Variants in PTPRD observed in about 807,000 individuals in gnomAD.
PTPRD encodes the protein receptor-type tyrosine-protein phosphatase delta.
In PTPRD, 34 loss-of-function variants were observed where a neutral mutation model predicts 214.5. The observed-to-expected ratio is 0.16, with a 90% CI of 0.12 to 0.21. The LOEUF (loss-of-function observed/expected upper bound fraction) is 0.21. Among genes scored for constraint, PTPRD ranks in the 10% least tolerant of loss-of-function variants. The probability of loss-of-function intolerance (pLI) is 1.00; values close to 1 mark genes in which losing one functional copy is unlikely to be tolerated. For synonymous variants in PTPRD, 1,128 were observed against 845.7 expected (o/e 1.33, Z -5.79); for missense variants, 2,545 against 2,398.7 (o/e 1.06, Z -1.27).
intron 14 of PTPRD, among the ~76,000 whole-genome samples, chr9:8,581,761 A>G (rs1337569111): frequency 6.7e-6 from 1 of 149,600 alleles, no homozygotes; most frequent in Non-Finnish European, 1.5e-5. Flanking sequence ...TAAATAAATA[A>G]AAGAAAGGGA....
At chr9:8,589,773 T>C (rs1362831487) in intron 14 of PTPRD, among the ~76,000 whole-genome samples, 3 of 152,310 alleles carry the variant, frequency 2.0e-5, no homozygotes, top group Middle Eastern at 3.4e-3. Flanking sequence ...AATGAGAAAC[T>C]TGACACATTC....
chr9:9,984,863 G>A (rs1038038507), intron 4 of PTPRD, among the ~76,000 whole-genome samples: 5 of 152,044 alleles, frequency 3.3e-5, no homozygotes, highest in African/African-American at 9.7e-5. Context: ...CATCATCAGT[G>A]TCCTCACTCT....
intron 2 of PTPRD, among the ~76,000 whole-genome samples, chr9:10,407,370 G>A (rs1156438137): frequency 5.9e-5 from 9 of 151,418 alleles, no homozygotes; most frequent in Middle Eastern, 6.8e-3. Flanking sequence ...GAATATCCTC[G>A]TTTTCATCAT....
chr9:8,375,447 A>C (rs755500635), intron 39 of PTPRD, among the ~76,000 whole-genome samples: 1 of 152,034 alleles, frequency 6.6e-6, no homozygotes, highest in Non-Finnish European at 1.5e-5. Flanking sequence ...ATTTGTCATG[A>C]GACTTGATAT....
chr9:10,123,587 G>A (rs950506616), intron 3 of PTPRD, among the ~76,000 whole-genome samples: 1 of 152,090 alleles, frequency 6.6e-6, no homozygotes, highest in Non-Finnish European at 1.5e-5. Context: ...GACAAAAGTG[G>A]CTTGTGAAAA....
At chr9:10,546,022 AC>A (rs1450568539) in intron 2 of PTPRD, among the ~76,000 whole-genome samples, 1 of 151,960 alleles carries the variant, frequency 6.6e-6, no homozygotes, top group Non-Finnish European at 1.5e-5. Flanking sequence ...TTTTTTTAAA[AC>A]CCTGAATATT....
chr9:8,890,773 C>A (rs2098532206), intron 11 of PTPRD, among the ~76,000 whole-genome samples: 1 of 152,212 alleles, frequency 6.6e-6, no homozygotes, highest in South Asian at 2.1e-4. Context: ...ATCTATTTTT[C>A]CAAAAGCATT....
chr9:9,805,013 G>A (rs916108992), intron 5 of PTPRD, among the ~76,000 whole-genome samples: 5 of 151,972 alleles, frequency 3.3e-5, no homozygotes, highest in African/African-American at 1.2e-4. Context: ...ATTATATAGT[G>A]CAATTATGTA....
chr9:10,180,922 C>T (rs1256406050), intron 3 of PTPRD, among the ~76,000 whole-genome samples: 5 of 151,808 alleles, frequency 3.3e-5, no homozygotes, highest in East Asian at 1.9e-4. Context: ...TTCCATAACC[C>T]TATAAAAATA....
intron 14 of PTPRD, among the ~76,000 whole-genome samples, chr9:8,566,100 A>ATGTGTGTG (rs139478736): frequency 0.2 from 26,856 of 137,570 alleles, 2,761 homozygotes; most frequent in South Asian, 0.26. Flanking sequence ...AATGCAAAAT[A>ATGTGTGTG]TGTGTGTGTG....
chr9:10,218,159 T>C (rs982797261), intron 3 of PTPRD, among the ~76,000 whole-genome samples: 4 of 151,936 alleles, frequency 2.6e-5, no homozygotes, highest in African/African-American at 9.7e-5. Context: ...AGCCTTTGCA[T>C]AGGCTTCTGG....
chr9:10,096,973 A>G (rs538531404), intron 3 of PTPRD, among the ~76,000 whole-genome samples: 1 of 151,986 alleles, frequency 6.6e-6, no homozygotes, highest in Non-Finnish European at 1.5e-5. Flanking sequence ...CAATTTTCCC[A>G]GCACCATTTA....
intron 11 of PTPRD, among the ~76,000 whole-genome samples, chr9:8,897,161 A>G (rs2098623660): frequency 6.6e-6 from 1 of 152,318 alleles, no homozygotes; most frequent in Admixed American, 6.5e-5. Context: ...GCCAAAATCT[A>G]TCAATCAAGG....
intron 30 of PTPRD, among the ~76,000 whole-genome samples, chr9:8,473,357 T>TCC (rs2096696519): frequency 6.6e-6 from 1 of 152,042 alleles, no homozygotes; most frequent in Non-Finnish European, 1.5e-5. Context: ...AGAGTAAGCT[T>TCC]CCCCCTCTCC....
intron 33 of PTPRD, among the ~76,000 whole-genome samples, chr9:8,456,473 C>T (rs1839295311): frequency 6.6e-6 from 1 of 152,080 alleles, no homozygotes; most frequent in South Asian, 2.1e-4. Flanking sequence ...GAAAGGCATT[C>T]CTAACCTAGG....
intron 9 of PTPRD, among the ~76,000 whole-genome samples, chr9:9,357,885 T>A (rs1052965301): frequency 1.3e-5 from 2 of 151,266 alleles, no homozygotes; most frequent in African/African-American, 4.8e-5. Flanking sequence ...CATCTTTACC[T>A]ACCACAACCA....
At chr9:9,235,416 C>A (rs576939388) in intron 9 of PTPRD, among the ~76,000 whole-genome samples, 8 of 152,280 alleles carry the variant, frequency 5.3e-5, no homozygotes, top group African/African-American at 1.9e-4. Context: ...TCCAATTGCA[C>A]TCCTACATGG....
At chr9:9,924,484 A>G (rs561055796) in intron 5 of PTPRD, among the ~76,000 whole-genome samples, 62 of 152,104 alleles carry the variant, frequency 4.1e-4, no homozygotes, top group Non-Finnish European at 7.7e-4. Context: ...TTTTAAAGTT[A>G]TAACAACTCA....
At chr9:9,777,647 T>A (rs2098808943) in intron 5 of PTPRD, among the ~76,000 whole-genome samples, 1 of 152,246 alleles carries the variant, frequency 6.6e-6, no homozygotes, top group Admixed American at 6.5e-5. Flanking sequence ...CAGTGAGCCA[T>A]CATCACATCA....
Sources: gnomAD v4.1 joint callset for allele counts (sites outside exome capture counted in the v4.1 genomes callset) on GRCh38, gnomAD v4.1.1 for gene constraint, MANE v1.5 for transcripts, NCBI Gene and HGNC (gene_info 2026-07-23, HGNC 2026-07-21) for gene names.